KIFC3: variants seen among roughly 807,000 people sequenced by gnomAD.
The protein encoded by KIFC3 is kinesin-like protein KIFC3.
KIFC3 carries 60 observed loss-of-function variants against 101.8 expected under a neutral mutation model. The observed-to-expected ratio is 0.59, with a 90% CI of 0.48 to 0.73. KIFC3 has a LOEUF of 0.73. Ranked by LOEUF, KIFC3 falls within the 30% of genes least tolerant of loss-of-function variation. KIFC3 has a pLI of 0.00. For missense variants in KIFC3, 966 were observed against 1,137.1 expected, an observed-to-expected ratio of 0.85 and a Z score of 2.16; for synonymous variants, 476 against 482.7, an observed-to-expected ratio of 0.99 and a Z score of 0.18.
intron 1 of KIFC3, among the ~76,000 whole-genome samples, chr16:57,837,558 AAAG>A (rs1210684833): frequency 0.011 from 406 of 36,380 alleles, 6 homozygotes; most frequent in African/African-American, 0.024. Context: ...AGGAAGGAAG[AAAG>A]AAAGAAAGAA....
upstream of KIFC3, chr16:57,802,833 G>T: frequency 1.1e-6 from 1 of 896,728 alleles, no homozygotes; most frequent in Non-Finnish European, 1.8e-6. This position sits in a 1 kb window ranked among gnomAD's most constrained non-coding sequence, Gnocchi z 5.0. Flanking sequence ...TGAGCCATGC[G>T]TACTTTTGCA....
At chr16:57,777,853 G>A (rs1295363320) in intron 3 of KIFC3, among the ~76,000 whole-genome samples, 1 of 152,214 alleles carries the variant, frequency 6.6e-6, no homozygotes, top group Non-Finnish European at 1.5e-5. Flanking sequence ...ATGGTTAAAT[G>A]ATTTTTGACA....
chr16:57,763,508 C>T (rs1179508109), intron 12 of KIFC3, among the ~76,000 whole-genome samples: 2 of 152,136 alleles, frequency 1.3e-5, no homozygotes, highest in African/African-American at 2.4e-5. Flanking sequence ...GGAATCAATC[C>T]CACAGCACCC....
At chr16:57,832,350 T>C (rs989458605) in intron 1 of KIFC3, among the ~76,000 whole-genome samples, 2 of 135,598 alleles carry the variant, frequency 1.5e-5, no homozygotes, top group Non-Finnish European at 3.1e-5. Flanking sequence ...TTTTTTTTTT[T>C]AGACAAAGTC....
intron 3 of KIFC3, among the ~76,000 whole-genome samples, chr16:57,788,876 G>C (rs943147408): frequency 3.3e-5 from 5 of 152,196 alleles, no homozygotes; most frequent in Admixed American, 6.5e-5. Flanking sequence ...CCAGGATCTG[G>C]AAGAGGATGT....
chr16:57,790,261 G>C (rs1304346564), intron 3 of KIFC3, among the ~76,000 whole-genome samples: 1 of 149,156 alleles, frequency 6.7e-6, no homozygotes, highest in Non-Finnish European at 1.5e-5. Context: ...TGTATTTTTT[G>C]TGTAGAGATG....
chr16:57,759,299 C>CTGTGT (rs2049519474), intron 18 of KIFC3, 146 bp from the exon 19 acceptor site: 1 of 981,078 alleles, frequency 1.0e-6, no homozygotes. Flanking sequence ...GCCCTGGGTC[C>CTGTGT]CGGTCCTGTG....
chr16:57,804,905 ATT>A (rs147019735), upstream of KIFC3, among the ~76,000 whole-genome samples: 100,165 of 134,020 alleles, frequency 0.75, 37,190 homozygotes, highest in Non-Finnish European at 0.82. Context: ...GCCTGACTCA[ATT>A]TTTTTTTTTT....
chr16:57,768,091 G>A (rs1245135805), intron 9 of KIFC3, among the ~76,000 whole-genome samples: 5 of 152,116 alleles, frequency 3.3e-5, no homozygotes, highest in Non-Finnish European at 5.9e-5. Context: ...TTTGGGAGGC[G>A]GAGGTGGGCG....
chr16:57,824,708 AAAAC>A (rs1239181953), intron 1 of KIFC3, among the ~76,000 whole-genome samples: 1 of 152,142 alleles, frequency 6.6e-6, no homozygotes, highest in African/African-American at 2.4e-5. Flanking sequence ...CAAAAACAGA[AAAAC>A]AAAAGATTCC....
chr16:57,847,760 TTGTGTGTGTGTGTGTGTGTGTG>T, intron 1 of KIFC3, among the ~76,000 whole-genome samples: 1 of 139,788 alleles, frequency 7.2e-6, no homozygotes, highest in Non-Finnish European at 1.6e-5. Flanking sequence ...CCAGATGAAT[TTGTGTGTGTGTGTGTGTGTGTG>T]TGTGTGTGTG....
chr16:57,794,927 G>T, intron 3 of KIFC3, 72 bp downstream of exon 3: 2 of 1,388,028 alleles, frequency 1.4e-6, no homozygotes, highest in Admixed American at 6.3e-5. Context: ...ACCCCCAGAA[G>T]CCTGGCAGGA....
In KIFC3 at chr16:57,771,260, G is replaced by C; in HGVS notation, c.703C>G (p.Arg235Gly). ...EKAQEEERLS[R>G]RLRDSHETIA... ...GTCTCGTGGCTGTCACGCAGGCGCC[G>C]ACTAAGCCGCTCCTCCTCCTGTGCC... The change falls in exon 6 of 20, where the codon CGG becomes GGG. Residue 235 changes from arginine (R) to glycine (G), a missense_variant. Physicochemically the swap from Arg to Gly is moderately radical, Grantham distance 125. Transcript: ENST00000445690. 6.2e-7 allele frequency: 1 copy of C among 1,613,252 alleles called. No homozygotes were observed. The highest frequency in any genetic ancestry group is 1.1e-5 in the South Asian group (1 of 91,076).
intron 12 of KIFC3, among the ~76,000 whole-genome samples, chr16:57,762,594 G>A (rs2049994318): frequency 1.3e-5 from 2 of 151,982 alleles, no homozygotes; most frequent in South Asian, 4.1e-4. Flanking sequence ...CACCTGGGAG[G>A]GGCACTGGAA....
chr16:57,831,559 G>A (rs113897404), intron 1 of KIFC3, among the ~76,000 whole-genome samples: 6,781 of 152,248 alleles, frequency 0.045, 175 homozygotes, highest in South Asian at 0.085. Flanking sequence ...GCATGGTGGT[G>A]TGTGCCTGTA....
intron 1 of KIFC3, among the ~76,000 whole-genome samples, chr16:57,853,183 A>G (rs1475729514): frequency 6.6e-6 from 1 of 152,114 alleles, no homozygotes; most frequent in Non-Finnish European, 1.5e-5. Context: ...CTTTGGGAAG[A>G]TGAGGTGGGC....
In KIFC3 at chr16:57,832,309, C is replaced by T. The variant is rs145847396; in HGVS notation, c.108+30420G>A. Among the ~76,000 whole-genome samples the T allele has an allele frequency of 2.4e-3, 336 of 141,626 alleles. 3 individuals are homozygous for T. The highest frequency in any genetic ancestry group is 6.9e-3 in the African/African-American group (261 of 38,036). 92.9% of individuals were successfully genotyped at this position (141,626 alleles called of 152,430 possible). On this transcript the variant is annotated intron_variant, in intron 1 of 2. Transcript: ENST00000563028. ...GTGCTGGGATTACAGCCATGAGCCA[C>T]GGCGCCAGGCCCTTTTTTTTTTTTT...
chr16:57,771,501 G>T, intron 5 of KIFC3, 42 bp downstream of exon 5: 1 of 1,609,488 alleles, frequency 6.2e-7, no homozygotes, highest in Non-Finnish European at 8.5e-7. Flanking sequence ...AGCTGGGGTG[G>T]CCCTCCAGGA....
chr16:57,788,332 A>C (rs1342340873), intron 3 of KIFC3, among the ~76,000 whole-genome samples: 3 of 152,244 alleles, frequency 2.0e-5, no homozygotes, highest in Non-Finnish European at 4.4e-5. Context: ...GACTCTTATC[A>C]CTGGGTGGGG....
Sources: allele counts gnomAD v4.1 joint callset (sites outside exome capture counted in the v4.1 genomes callset), GRCh38; gene constraint gnomAD v4.1.1; non-coding constraint Gnocchi (gnomAD v3.1); transcripts MANE v1.5; gene names NCBI Gene and HGNC (gene_info 2026-07-23, HGNC 2026-07-21).